Variants in GHRHR observed in about 807,000 individuals in gnomAD.
The protein encoded by GHRHR is growth hormone-releasing hormone receptor.
In GHRHR, 40 loss-of-function variants were observed where a neutral mutation model predicts 58.3. The observed-to-expected ratio is 0.69, with a 90% CI of 0.53 to 0.89. The LOEUF (loss-of-function observed/expected upper bound fraction) is 0.89. GHRHR is among the 40% of genes least tolerant of loss of function. The pLI is 0.00. For synonymous variants in GHRHR, 249 were observed against 216.6 expected, an observed-to-expected ratio of 1.15 and a Z score of -1.31; for missense variants, 551 against 541.3, an observed-to-expected ratio of 1.02 and a Z score of -0.18.
intron 11 of GHRHR, among the ~76,000 whole-genome samples, chr7:30,976,760 C>G (rs1792593495): frequency 6.6e-6 from 1 of 152,102 alleles, no homozygotes; most frequent in African/African-American, 2.4e-5. Context: ...ATCCATCCAT[C>G]CATGCATCCA....
rs34790466 is a variant in GHRHR, at chr7:30,974,156, G to T, written c.751+18G>T. 2,354 of 1,612,652 alleles carry T rather than the reference G, an allele frequency of 1.5e-3. 29 individuals are homozygous for T. The African/African-American group carries it at 0.028, about 19-fold the overall frequency. On this transcript the variant is annotated intron_variant, in intron 7 of 12. Coordinates refer to ENST00000326139, the MANE Select transcript of GHRHR (RefSeq NM_000823.4). ...TGGCTGGGGTGAGCACTGAGGGCGG[G>T]TTGGGCACCATGGGGAGGTAAAGGG...
chr7:30,977,916 C>T (rs1225225546), intron 12 of GHRHR, among the ~76,000 whole-genome samples: 3 of 152,226 alleles, frequency 2.0e-5, no homozygotes, highest in African/African-American at 7.2e-5. Context: ...GGGGACACGA[C>T]AGAGACTGAC....
At chr7:30,965,081 A>G (rs1196111557) in intron 1 of GHRHR, among the ~76,000 whole-genome samples, 2 of 152,126 alleles carry the variant, frequency 1.3e-5, no homozygotes, top group Non-Finnish European at 2.9e-5. Flanking sequence ...CTTTTGTTAA[A>G]AGAGAAAATA....
Position 30,971,224 on chromosome 7 carries a change from ATCC to A in GHRHR, c.464+11_464+13del. The A allele has an allele frequency of 7.9e-7, 1 of 1,270,348 alleles. No homozygotes were observed. Among genetic ancestry groups the A allele is most frequent in the South Asian group, 1.3e-5 (1 of 78,570 alleles). 78.7% of individuals were successfully genotyped at this position (1,270,348 alleles called of 1,614,324 possible). ...CATCCTGGTTGCTCTCAGGTTTGTC[ATCC>A]TCATCACCAGCTCAAGAACCTTCCT... On this transcript the variant is annotated intron_variant, in intron 5 of 12. Coordinates refer to ENST00000326139, the MANE Select transcript of GHRHR (RefSeq NM_000823.4).
chr7:30,978,967 A>T, intron 12 of GHRHR, 152 bp from the exon 13 acceptor site: 1 of 736,052 alleles, frequency 1.4e-6, no homozygotes, highest in Non-Finnish European at 2.5e-6. Context: ...CTCCAGAGGT[A>T]GTACTTAGCA....
chr7:30,964,221 T>G (rs977673773), intron 1 of GHRHR, 96 bp downstream of exon 1: 4 of 1,105,960 alleles, frequency 3.6e-6, no homozygotes, highest in Non-Finnish European at 5.3e-6. Context: ...CCTACTGCCC[T>G]TCTCCTGCTC....
In GHRHR at chr7:30,976,563, G is replaced by A. The variant is rs754179488; in HGVS notation, c.1104+5G>A. On this transcript the variant is annotated splice_donor_5th_base_variant and intron_variant, in intron 11 of 12. Coordinates refer to ENST00000326139, the MANE Select transcript of GHRHR (RefSeq NM_000823.4). ...CTGGGACTGGGTTCCTTCCAGGTGA[G>A]GGCCCCCACAGGCACTCTTTCTTTC... 1.2e-6 allele frequency: 2 copies of A among 1,612,350 alleles called. No individual in the cohort carries two copies. Among genetic ancestry groups the A allele is most frequent in the African/African-American group, 1.3e-5 (1 of 74,884 alleles).
At chr7:30,974,359 G>C in intron 7 of GHRHR, 70 bp from the exon 8 acceptor site, 1 of 1,220,870 alleles carries the variant, frequency 8.2e-7, no homozygotes, top group South Asian at 1.2e-5. Flanking sequence ...GGTGGTGGTG[G>C]GAGGTGGCGC....
Position 30,975,001 on chromosome 7 carries a change from C to T in GHRHR, c.843C>T (p.Tyr281=). ...ACWDLDDTSP[Y]WWIIKGPIVL... ...GGGACCTGGACGACACCTCCCCCTA[C>T]TGGTGGATCATCAAAGGGCCCATTG... The change falls in exon 9 of 13, where the codon TAC becomes TAT. Residue 281 remains tyrosine, a synonymous_variant. Transcript: ENST00000326139. 6.2e-7 allele frequency: 1 copy of T among 1,613,292 alleles called. No homozygotes were observed. Among genetic ancestry groups the T allele is most frequent in the Non-Finnish European group, 8.5e-7 (1 of 1,179,248 alleles).
intron 1 of GHRHR, 38 bp from the exon 2 acceptor site, chr7:30,968,796 C>A: frequency 2.8e-6 from 4 of 1,434,854 alleles, no homozygotes; most frequent in South Asian, 2.3e-5. Context: ...GAAAGACACC[C>A]AAATGGCTTG....
chr7:30,979,358 G>A lies in GHRHR; in HGVS notation c.*114G>A, dbSNP rs957599709. ...CCCCACCCCAGCTGTTACCCAGCCC[G>A]GGGCAGGTGCAGCCCTTCCTCCCTG... On this transcript the variant is annotated 3_prime_UTR_variant, in exon 13 of 13. Transcript: ENST00000326139. The A allele has an allele frequency of 3.7e-5, 39 of 1,045,090 alleles. No homozygotes were observed. The highest frequency in any genetic ancestry group is 1.0e-4 in the East Asian group (4 of 38,182). 64.7% of individuals were successfully genotyped at this position (1,045,090 alleles called of 1,614,324 possible).
rs1479383535 is a variant in GHRHR at position 30,968,894 on chromosome 7, G to A, written c.118G>A (p.Ala40Thr). Residue 40 changes from alanine (A) to threonine (T), a missense_variant, in exon 2 of 13, where the codon GCC becomes ACC. Transcript: ENST00000326139. ...FITQLREDES[A>T]CLQAAEEMPN... ...CACCCAGCTGAGAGAGGATGAGAGTGCCTGTCTACAAGCAGCAGAGGAGAT... is the reference window on the plus strand; with the variant it reads ...CACCCAGCTGAGAGAGGATGAGAGTACCTGTCTACAAGCAGCAGAGGAGAT... 1.2e-6 allele frequency: 2 copies of A among 1,613,874 alleles called. No individual in the cohort carries two copies. Among genetic ancestry groups the A allele is most frequent in the East Asian group, 2.2e-5 (1 of 44,864 alleles).
At chr7:30,977,200 G>A (rs1051805747) in intron 11 of GHRHR, 81 bp from the exon 12 acceptor site, 23 of 1,334,622 alleles carry the variant, frequency 1.7e-5, no homozygotes, top group Non-Finnish European at 2.5e-5. Context: ...GATGAGTAGG[G>A]AAAAGGTAGC....
At chr7:30,976,968 C>A (rs1792598707) in intron 11 of GHRHR, among the ~76,000 whole-genome samples, 1 of 151,678 alleles carries the variant, frequency 6.6e-6, no homozygotes, top group South Asian at 2.1e-4. Context: ...ATCCATCCAC[C>A]CATCCATCCA....
intron 11 of GHRHR, 97 bp downstream of exon 11, chr7:30,976,655 G>T: frequency 1.9e-6 from 2 of 1,035,822 alleles, no homozygotes; most frequent in Non-Finnish European, 2.9e-6. Context: ...CAGGGTGAGG[G>T]CTATGTTTTT....
Position 30,968,910 on chromosome 7 carries a change from C to T in GHRHR, c.134C>T (p.Ala45Val). The T allele has an allele frequency of 6.2e-7, 1 of 1,613,478 alleles. No individual in the cohort carries two copies. Among genetic ancestry groups the T allele is most frequent in the Non-Finnish European group, 8.5e-7 (1 of 1,179,482 alleles). Residue 45 changes from alanine to valine, a missense_variant, in exon 2 of 13, where the codon GCA becomes GTA. By Grantham distance (64) the Ala-to-Val change is moderately conservative (BLOSUM62 0). Coordinates refer to ENST00000326139, the MANE Select transcript of GHRHR (RefSeq NM_000823.4). Reference protein sequence around the residue: ...REDESACLQAAEEMPNTTLGC... With the variant: ...REDESACLQAVEEMPNTTLGC... The stretch of plus-strand genomic sequence containing the variant: ...GATGAGAGTGCCTGTCTACAAGCAG[C>T]AGAGGAGATGCCCAACACCACCCTG...
intron 6 of GHRHR, 111 bp downstream of exon 6, chr7:30,972,206 T>C (rs1205946675): frequency 2.6e-6 from 3 of 1,165,348 alleles, no homozygotes; most frequent in Middle Eastern, 4.0e-4. Flanking sequence ...ACCCTGGGGC[T>C]CCCGCATGGC....
chr7:30,966,658 T>C (rs1230010852), intron 1 of GHRHR, among the ~76,000 whole-genome samples: 2 of 152,064 alleles, frequency 1.3e-5, no homozygotes, highest in African/African-American at 4.8e-5. Context: ...TTTTTGTTTT[T>C]CTGAGATGGA....
intron 1 of GHRHR, among the ~76,000 whole-genome samples, chr7:30,965,379 G>A (rs1242211533): frequency 6.6e-6 from 1 of 151,238 alleles, no homozygotes; most frequent in Non-Finnish European, 1.5e-5. Context: ...GGTCCAGGGC[G>A]ATGGAGCCTC....
Sources: allele counts gnomAD v4.1 joint callset (sites outside exome capture counted in the v4.1 genomes callset), GRCh38; gene constraint gnomAD v4.1.1; transcripts MANE v1.5; gene names NCBI Gene and HGNC (gene_info 2026-07-23, HGNC 2026-07-21).